The following RBMS1 variants were observed in gnomAD, a reference collection of about 807,000 sequenced individuals.
RBMS1 encodes the protein RNA-binding motif, single-stranded-interacting protein 1.
A neutral mutation model predicts 62.3 loss-of-function variants in RBMS1; 17 were observed. That is an observed-to-expected ratio of 0.27 (90% CI 0.19 to 0.41). The LOEUF is 0.41. Among genes scored for constraint, RBMS1 ranks in the 10% least tolerant of loss-of-function variants. RBMS1 has a pLI of 1.00. For missense variants in RBMS1, 334 were observed against 504.5 expected (o/e 0.66, Z 3.24); for synonymous variants, 172 against 170.0 (o/e 1.01, Z -0.09).
intron 2 of RBMS1, among the ~76,000 whole-genome samples, chr2:160,347,258 T>C (rs1692238744): frequency 6.6e-6 from 1 of 152,136 alleles, no homozygotes. Context: ...ATTCAAATGG[T>C]TTAAAGTTTC....
At chr2:160,293,498 G>A (rs574572719) in intron 6 of RBMS1, among the ~76,000 whole-genome samples, 1 of 152,214 alleles carries the variant, frequency 6.6e-6, no homozygotes, top group Non-Finnish European at 1.5e-5. Context: ...AGCTGTGAGC[G>A]ATGTGGCAGA....
chr2:160,421,075 G>C (rs897513677), intron 1 of RBMS1, among the ~76,000 whole-genome samples: 2 of 151,978 alleles, frequency 1.3e-5, no homozygotes, highest in Non-Finnish European at 2.9e-5. Flanking sequence ...AAGAGGCACC[G>C]TCTCTTCCTT....
rs945310789 is a variant in RBMS1, at chr2:160,451,170, T to TAAAA, written c.75+42118_75+42119insTTTT. Among the ~76,000 whole-genome samples, 44 of 127,662 alleles carry TAAAA rather than the reference T, an allele frequency of 3.4e-4. 2 individuals are homozygous for TAAAA. The highest frequency in any genetic ancestry group is 1.5e-3 in the Admixed American group (17 of 11,032). 83.8% of individuals were successfully genotyped at this position (127,662 alleles called of 152,430 possible). ...AGACCATGCTTCAGAAAAAAAAAAA[T>TAAAA]AAATAAATAAAAACTAGAGAAAATA... is the stretch of plus-strand genomic sequence containing the variant. On this transcript the variant is annotated intron_variant, in intron 1 of 13. Transcript: ENST00000348849.
At chr2:160,300,825 G>C (rs1485820801) in intron 5 of RBMS1, 95 bp from the exon 6 acceptor site, 1 of 1,285,326 alleles carries the variant, frequency 7.8e-7, no homozygotes, top group Non-Finnish European at 1.0e-6. Flanking sequence ...AGGTTTTTTG[G>C]ATATAAATGA....
At chr2:160,469,685 C>T in intron 1 of RBMS1, among the ~76,000 whole-genome samples, 1 of 152,208 alleles carries the variant, frequency 6.6e-6, no homozygotes, top group African/African-American at 2.4e-5. Context: ...AACTAACTCT[C>T]AAACAAGCGT....
At position 160,318,229 on chromosome 2, in the gene RBMS1, T is replaced by TAAAAAAAAAAAAAAAAAAAAGAAA; in HGVS notation, c.252-3_252-2insTTTCTTTTTTTTTTTTTTTTTTTT. On this transcript the variant is annotated splice_polypyrimidine_tract_variant and splice_region_variant and intron_variant, in intron 2 of 13. Coordinates refer to ENST00000348849, the MANE Select transcript of RBMS1 (RefSeq NM_016836.4). ...TTTGTGGAGACTATTTTCCCATATC[T>TAAAAAAAAAAAAAAAAAAAAGAAA]AAAAAAAAAAAAAAAAAAAAAAAGG... is the stretch of plus-strand genomic sequence containing the variant. 1 of 1,163,254 alleles carries TAAAAAAAAAAAAAAAAAAAAGAAA rather than the reference T, an allele frequency of 8.6e-7. No homozygotes were observed. Among genetic ancestry groups the TAAAAAAAAAAAAAAAAAAAAGAAA allele is most frequent in the Non-Finnish European group, 1.1e-6 (1 of 929,826 alleles). 72.1% of individuals were successfully genotyped at this position (1,163,254 alleles called of 1,614,324 possible). A position where few individuals can be genotyped will look rare whatever the true frequency, so the allele number is the denominator to read the frequency against.
chr2:160,336,829 T>G (rs1251412770), intron 2 of RBMS1, among the ~76,000 whole-genome samples: 1 of 152,156 alleles, frequency 6.6e-6, no homozygotes, highest in Non-Finnish European at 1.5e-5. Flanking sequence ...GATATAGATG[T>G]TTATGGGCTG....
At chr2:160,470,190 A>G (rs1191382417) in intron 1 of RBMS1, among the ~76,000 whole-genome samples, 2 of 152,186 alleles carry the variant, frequency 1.3e-5, no homozygotes, top group Non-Finnish European at 2.9e-5. Flanking sequence ...AATTATCTGT[A>G]TTATAGAGTT....
At chr2:160,333,675 G>A (rs543282758) in intron 2 of RBMS1, among the ~76,000 whole-genome samples, 18 of 152,168 alleles carry the variant, frequency 1.2e-4, no homozygotes, top group Non-Finnish European at 2.4e-4. Context: ...CACTGATGGA[G>A]CCAATAAGAC....
intron 1 of RBMS1, among the ~76,000 whole-genome samples, chr2:160,384,696 C>A (rs1015295483): frequency 1.4e-4 from 21 of 152,200 alleles, no homozygotes; most frequent in Non-Finnish European, 2.9e-5. Flanking sequence ...CATACTAGCT[C>A]GCAGTGTTGT....
intron 9 of RBMS1, 149 bp from the exon 10 acceptor site, chr2:160,281,513 A>ATT (rs1189270791): frequency 1.4e-5 from 8 of 585,402 alleles, no homozygotes; most frequent in Non-Finnish European, 2.3e-5. Flanking sequence ...AGGCAGTTAG[A>ATT]ATTCTTGGCA....
intron 2 of RBMS1, among the ~76,000 whole-genome samples, chr2:160,363,198 C>A (rs1693222429): frequency 6.6e-6 from 1 of 152,102 alleles, no homozygotes; most frequent in East Asian, 1.9e-4. Flanking sequence ...CTCTGGGATA[C>A]CAAACCCAGC....
intron 6 of RBMS1, among the ~76,000 whole-genome samples, chr2:160,299,319 G>A (rs971973970): frequency 6.6e-6 from 1 of 152,176 alleles, no homozygotes; most frequent in East Asian, 1.9e-4. Flanking sequence ...CTATCTTCTT[G>A]AATATTTTTG....
At chr2:160,440,882 A>G (rs982316153) in intron 1 of RBMS1, among the ~76,000 whole-genome samples, 1 of 152,202 alleles carries the variant, frequency 6.6e-6, no homozygotes, top group African/African-American at 2.4e-5. Flanking sequence ...TTTGCTTTTT[A>G]AAAAAATTGA....
intron 2 of RBMS1, among the ~76,000 whole-genome samples, chr2:160,320,118 T>G (rs1294093117): frequency 2.0e-5 from 3 of 152,206 alleles, no homozygotes; most frequent in Non-Finnish European, 4.4e-5. Context: ...GTTACATGCT[T>G]GATATTTACC....
rs191349838 is a variant in RBMS1 at position 160,469,069 on chromosome 2, C to T, written c.75+24220G>A. On this transcript the variant is annotated intron_variant, in intron 1 of 13. Transcript: ENST00000348849. ...AAAGACAGAGCCACTTGGATTCATG[C>T]CTTTGTACTTTTCTTGGAATACCCT... is the stretch of plus-strand genomic sequence containing the variant. Among the ~76,000 whole-genome samples the T allele has an allele frequency of 1.8e-3, 277 of 152,264 alleles. 1 individual carries two copies. Among genetic ancestry groups the T allele is most frequent in the Middle Eastern group, 3.4e-3 (1 of 294 alleles).
At chr2:160,297,859 G>C (rs1276996930) in intron 6 of RBMS1, among the ~76,000 whole-genome samples, 1 of 152,192 alleles carries the variant, frequency 6.6e-6, no homozygotes, top group Non-Finnish European at 1.5e-5. Context: ...GAGGGAGACA[G>C]GACTGCAGAA....
chr2:160,350,751 C>T (rs1692446545), intron 2 of RBMS1, among the ~76,000 whole-genome samples: 1 of 152,106 alleles, frequency 6.6e-6, no homozygotes, highest in African/African-American at 2.4e-5. Flanking sequence ...TCCAGTCTAT[C>T]ATTGTTGGAC....
At chr2:160,398,511 G>A (rs62177324) in intron 1 of RBMS1, among the ~76,000 whole-genome samples, 6,778 of 152,258 alleles carry the variant, frequency 0.045, 208 homozygotes, top group Middle Eastern at 0.075. Flanking sequence ...ACTTCTTAAA[G>A]TGGTTTTCAC....
Sources: allele counts gnomAD v4.1 joint callset (sites outside exome capture counted in the v4.1 genomes callset), GRCh38; gene constraint gnomAD v4.1.1; transcripts MANE v1.5; gene names NCBI Gene and HGNC (gene_info 2026-07-23, HGNC 2026-07-21).